LYST: variants seen among roughly 807,000 people sequenced by gnomAD.
The protein encoded by LYST is lysosomal-trafficking regulator.
In LYST, 192 loss-of-function variants were observed where a neutral mutation model predicts 413.6. The observed-to-expected ratio is 0.46, with a 90% CI of 0.41 to 0.52. The LOEUF (loss-of-function observed/expected upper bound fraction) is 0.52. Ranked by LOEUF, LYST falls within the 20% of genes least tolerant of loss-of-function variation. LYST has a pLI of 0.00. For synonymous variants in LYST, 1,525 were observed against 1,567.3 expected, an observed-to-expected ratio of 0.97 and a Z score of 0.64; for missense variants, 3,815 against 4,499.9, an observed-to-expected ratio of 0.85 and a Z score of 4.35.
chr1:235,731,046 C>G lies in LYST; in HGVS notation c.8933G>C (p.Arg2978Thr), dbSNP rs777461813. The change falls in exon 35 of 53, where the codon AGA (arginine) becomes ACA (threonine). Residue 2978 changes from arginine (R) to threonine (T), a missense_variant. Physicochemically the swap from Arg to Thr is moderately conservative, Grantham distance 71. Around this residue, in one of 4 missense-constraint regions of LYST, gnomAD observed 866 missense variants for 1,156.0 expected, o/e 0.75. Coordinates refer to ENST00000389793, the MANE Select transcript of LYST (RefSeq NM_000081.4). Reference protein sequence around the residue: ...TIPNKYLLRDRQKSEDVVKPP... With the variant: ...TIPNKYLLRDTQKSEDVVKPP... ...GCCACTATTACCTTCTGATTTCTGT[C>G]TATCCCTAAGGAGATACTTATTTGG... 4.3e-6 allele frequency: 7 copies of G among 1,613,568 alleles called. No individual in the cohort carries two copies. The South Asian group carries it at 5.5e-5, about 13-fold the overall frequency.
chr1:235,829,638 G>A (rs1248861253), intron 3 of LYST: 1 of 152,146 alleles, frequency 6.6e-6, no homozygotes, highest in African/African-American at 2.4e-5. Flanking sequence ...TTTCTCATCT[G>A]TAAAAGAAGG....
intron 30 of LYST, among the ~76,000 whole-genome samples, chr1:235,742,058 G>A (rs1368452810): frequency 1.3e-5 from 2 of 152,176 alleles, no homozygotes; most frequent in East Asian, 3.8e-4. Flanking sequence ...ATCTAGAACA[G>A]TCAAACTCAC....
Position 235,810,508 on chromosome 1 carries a change from T to C in LYST, c.310A>G (p.Ile104Val), listed in dbSNP as rs2102892270. 1 of 1,612,694 alleles carries C rather than the reference T, an allele frequency of 6.2e-7. No homozygotes were observed. The highest frequency in any genetic ancestry group is 8.5e-7 in the Non-Finnish European group (1 of 1,179,860). The change falls in exon 5 of 53, where the codon ATA (isoleucine) becomes GTA (valine). Residue 104 changes from isoleucine to valine, a missense_variant. Physicochemically the swap from Ile to Val is conservative, Grantham distance 29. Coordinates refer to ENST00000389793, the MANE Select transcript of LYST (RefSeq NM_000081.4). ...GAGTTCTTTTCTTTGGTCAGGATTA[T>C]ATCTGCTGAGAGCGGTAGGTTAAAA... ...TDFNLPLSAD[I>V]ILTKEKNSSS...
chr1:235,759,647 A>T (rs780579577), intron 22 of LYST, 48 bp from the exon 23 acceptor site: 2 of 1,369,900 alleles, frequency 1.5e-6, no homozygotes, highest in South Asian at 2.3e-5. Context: ...TATTAAGTGG[A>T]ACCACCTCTC....
intron 42 of LYST, among the ~76,000 whole-genome samples, chr1:235,714,977 A>T (rs1474266292): frequency 6.6e-6 from 1 of 152,224 alleles, no homozygotes; most frequent in Non-Finnish European, 1.5e-5. Flanking sequence ...ATTTTTATAA[A>T]CTTAGACATT....
intron 38 of LYST, among the ~76,000 whole-genome samples, chr1:235,727,793 G>A (rs549929280): frequency 6.6e-6 from 1 of 152,286 alleles, no homozygotes; most frequent in East Asian, 1.9e-4. Context: ...TGTTGCAACG[G>A]AGGACAGTAA....
intron 22 of LYST, among the ~76,000 whole-genome samples, chr1:235,762,083 C>T (rs533337806): frequency 1.3e-5 from 2 of 151,582 alleles, no homozygotes; most frequent in East Asian, 1.9e-4. Flanking sequence ...TGTAACAAAC[C>T]GGCACATTGT....
chr1:235,723,548 A>G (rs1663582548), intron 39 of LYST, among the ~76,000 whole-genome samples: 1 of 152,220 alleles, frequency 6.6e-6, no homozygotes, highest in Non-Finnish European at 1.5e-5. Context: ...CAGCTGGGTC[A>G]AATGCTGCCA....
At chr1:235,734,890 G>A in intron 31 of LYST, 3 of 327,690 alleles carry the variant, frequency 9.2e-6, no homozygotes, top group Non-Finnish European at 5.5e-6. Flanking sequence ...ATGTTACATA[G>A]GAAAACATTT....
intron 3 of LYST, among the ~76,000 whole-genome samples, chr1:235,817,817 A>G (rs1336330076): frequency 6.6e-6 from 1 of 152,126 alleles, no homozygotes; most frequent in African/African-American, 2.4e-5. Context: ...CATGACATGC[A>G]ATCTACCTAT....
At chr1:235,870,217 C>G (rs1680868586), upstream of LYST, among the ~76,000 whole-genome samples, 1 of 152,088 alleles carries the variant, frequency 6.6e-6, no homozygotes, top group African/African-American at 2.4e-5. Context: ...TCAAGTTTAG[C>G]CTAAAGCTGC....
chr1:235,730,899 G>A lies in LYST; in HGVS notation c.8992C>T (p.His2998Tyr). Residue 2998 changes from histidine (H) to tyrosine (Y), a missense_variant, in exon 36 of 53, where the codon CAT becomes TAT. By Grantham distance (83) the His-to-Tyr change is moderately conservative (BLOSUM62 2). Transcript: ENST00000389793. ...TTGACAGTAGAAGAGAAAGAAGAAT[G>A]AGTTTTGTCTTCAAACAGGTAAGAG... ...PLSYLFEDKT[H>Y]SSFSSTVKDK... The A allele has an allele frequency of 1.2e-6, 2 of 1,613,804 alleles. No homozygotes were observed. The highest frequency in any genetic ancestry group is 1.7e-5 in the Admixed American group (1 of 60,020).
At chr1:235,768,760 T>A (rs1462134865) in intron 20 of LYST, among the ~76,000 whole-genome samples, 2 of 152,044 alleles carry the variant, frequency 1.3e-5, no homozygotes, top group Non-Finnish European at 2.9e-5. Context: ...TAATGAAAAT[T>A]GGCCAATATA....
rs773927032 is a variant in LYST, at chr1:235,759,078, C to A, written c.6775G>T (p.Val2259Phe). The change falls in exon 23 of 53, where the codon GTT (valine) becomes TTT (phenylalanine). Residue 2259 changes from valine to phenylalanine, a missense_variant. Val to Phe is a conservative substitution (Grantham distance 50). Transcript: ENST00000389793. ...TCAACAAGACTTGGCCAACGGCCAA[C>A]AGCTGCAGATCCGTTCTGTGAAGGA... The part of the protein sequence containing the change: ...AFPSQNGSAA[V>F]GRWPSLVDRN... 6.2e-7 allele frequency: 1 copy of A among 1,614,178 alleles called. No homozygotes were observed. Among genetic ancestry groups the A allele is most frequent in the Admixed American group, 1.7e-5 (1 of 60,012 alleles).
At chr1:235,708,683 A>G (rs1396342921) in intron 44 of LYST, among the ~76,000 whole-genome samples, 1 of 152,194 alleles carries the variant, frequency 6.6e-6, no homozygotes, top group Non-Finnish European at 1.5e-5. Flanking sequence ...CACATGTGTC[A>G]TTATGACTCG....
intron 50 of LYST, among the ~76,000 whole-genome samples, chr1:235,669,660 G>A (rs548826469): frequency 1.3e-5 from 2 of 152,346 alleles, no homozygotes; most frequent in South Asian, 2.1e-4. Context: ...TGAGCATAAA[G>A]TGGCCAATGG....
intron 1 of LYST, among the ~76,000 whole-genome samples, chr1:235,839,060 A>T (rs1294664693): frequency 1.3e-5 from 2 of 151,980 alleles, no homozygotes; most frequent in African/African-American, 4.8e-5. Flanking sequence ...TCTGGGCTCA[A>T]GTGAACCTCC....
intron 45 of LYST, among the ~76,000 whole-genome samples, chr1:235,701,886 G>A (rs1661580678): frequency 6.6e-6 from 1 of 152,188 alleles, no homozygotes; most frequent in African/African-American, 2.4e-5. Context: ...TGTGAGCTAT[G>A]AGCGCAAATA....
chr1:235,874,229 A>G (rs952771658), intron 1 of LYST, among the ~76,000 whole-genome samples: 2 of 152,238 alleles, frequency 1.3e-5, no homozygotes, highest in Non-Finnish European at 2.9e-5. Context: ...CACACACAGA[A>G]TCCACTACAG....
Sources: gnomAD v4.1 joint callset for allele counts (sites outside exome capture counted in the v4.1 genomes callset) on GRCh38, gnomAD v4.1.1 for gene constraint, gnomAD v4.1.1 regional missense constraint, MANE v1.5 for transcripts, NCBI Gene and HGNC (gene_info 2026-07-23, HGNC 2026-07-21) for gene names.